Variants in MAP3K3 observed in about 807,000 individuals in gnomAD.
MAP3K3 encodes the protein MAP/ERK kinase kinase 3.
Under a neutral mutation model 80.9 loss-of-function variants are expected in MAP3K3, and 12 were observed. The observed-to-expected ratio is 0.15, with a 90% CI of 0.10 to 0.24. The LOEUF is 0.24. Among genes scored for constraint, MAP3K3 ranks in the 10% least tolerant of loss-of-function variants. The pLI is 1.00. For synonymous variants in MAP3K3, 272 were observed against 307.1 expected, an observed-to-expected ratio of 0.89 and a Z score of 1.19; for missense variants, 596 against 834.7, an observed-to-expected ratio of 0.71 and a Z score of 3.52.
chr17:63,636,863 C>G, intron 2 of MAP3K3: 1 of 379,590 alleles, frequency 2.6e-6, no homozygotes, highest in Non-Finnish European at 5.2e-6. Flanking sequence ...TCCTCCATCC[C>G]GCTGGACATC....
intron 1 of MAP3K3, among the ~76,000 whole-genome samples, chr17:63,624,594 A>G (rs1370185326): frequency 1.3e-5 from 2 of 152,246 alleles, no homozygotes; most frequent in Non-Finnish European, 2.9e-5. Context: ...CAAAGAAAAA[A>G]GGGCCAGGAC....
chr17:63,654,633 C>T (rs1232111886), intron 4 of MAP3K3, among the ~76,000 whole-genome samples: 2 of 152,126 alleles, frequency 1.3e-5, no homozygotes, highest in Admixed American at 6.5e-5. Context: ...AGGAACTGCC[C>T]AGATTTTCTA....
chr17:63,656,329 G>A (rs1028563978), intron 4 of MAP3K3, among the ~76,000 whole-genome samples: 1 of 151,956 alleles, frequency 6.6e-6, no homozygotes, highest in Non-Finnish European at 1.5e-5. Flanking sequence ...CTGACCAGGC[G>A]TGGTGGCTCA....
intron 3 of MAP3K3, among the ~76,000 whole-genome samples, chr17:63,650,675 AG>A (rs2034633537): frequency 6.8e-6 from 1 of 146,732 alleles, no homozygotes; most frequent in African/African-American, 2.6e-5. Context: ...AGAGAGAGAG[AG>A]AGAGAGAGAG....
At chr17:63,665,252 G>A (rs747812947) in intron 5 of MAP3K3, among the ~76,000 whole-genome samples, 6 of 151,714 alleles carry the variant, frequency 4.0e-5, no homozygotes, top group Admixed American at 6.6e-5. Context: ...TGCAAGCTCC[G>A]CCTCCCAGGT....
rs573245506 is a variant in MAP3K3 at position 63,678,593 on chromosome 17, T to C, written c.503-3173T>C. Among the ~76,000 whole-genome samples, 12 of 152,318 alleles carry C rather than the reference T, an allele frequency of 7.9e-5. 1 individual carries two copies. In the South Asian group the frequency reaches 2.1e-3, roughly 26 times the overall value. On this transcript the variant is annotated intron_variant, in intron 6 of 15. Coordinates refer to ENST00000361733, the MANE Select transcript of MAP3K3 (RefSeq NM_002401.5). ...TAGCTTTCCTGCCAGAGAGACATCC[T>C]TGGAGGGAGGCTGGGGTGATGTGTC...
intron 2 of MAP3K3, among the ~76,000 whole-genome samples, chr17:63,637,507 T>C (rs187680457): frequency 5.3e-5 from 8 of 152,350 alleles, no homozygotes; most frequent in African/African-American, 1.7e-4. Context: ...TGTAAGATCA[T>C]AGACAGAATG....
chr17:63,632,767 A>G lies in MAP3K3; in HGVS notation c.91A>G (p.Met31Val), dbSNP rs2034243743. ...RRHRMPGYET[M>V]KNKDTGHSNR... ...TCACCGGATGCCTGGATATGAGACC[A>G]TGAAGAACAAAGACACAGGTCACTC... The change falls in exon 2 of 16, where the codon ATG becomes GTG. Residue 31 changes from methionine to valine, a missense_variant. By Grantham distance (21) the Met-to-Val change is conservative (BLOSUM62 1). Around this residue, in one of 2 missense-constraint regions of MAP3K3, gnomAD observed 232 missense variants for 245.8 expected, o/e 0.94. Coordinates refer to ENST00000361733, the MANE Select transcript of MAP3K3 (RefSeq NM_002401.5). 1 of 1,614,060 alleles carries G rather than the reference A, an allele frequency of 6.2e-7. No homozygotes were observed. The highest frequency in any genetic ancestry group is 8.5e-7 in the Non-Finnish European group (1 of 1,180,022).
Position 63,649,956 on chromosome 17 carries a change from G to C in MAP3K3, c.168-2601G>C, listed in dbSNP as rs1425868326. On this transcript the variant is annotated intron_variant, in intron 3 of 15. Coordinates refer to ENST00000361733, the MANE Select transcript of MAP3K3 (RefSeq NM_002401.5). ...CTCTGGTTACACCACTTCCCACTCT[G>C]GGGGAGCAGGGAAGATGAGAAAGAA... Among the ~76,000 whole-genome samples, 11 of 152,168 alleles carry C rather than the reference G, an allele frequency of 7.2e-5. No individual in the cohort carries two copies. The East Asian group carries it at 2.1e-3, about 29-fold the overall frequency.
At chr17:63,682,318 C>G (rs2035355806) in intron 7 of MAP3K3, 1 of 153,732 alleles carries the variant, frequency 6.5e-6, no homozygotes, top group Admixed American at 6.5e-5. Flanking sequence ...TAAACCATAT[C>G]AAAATTACAC....
chr17:63,689,593 C>T lies in MAP3K3; in HGVS notation c.921C>T (p.Thr307=), dbSNP rs1035887541. The change falls in exon 11 of 16, where the codon ACC becomes ACT. Residue 307 remains threonine (T), a synonymous_variant. Coordinates refer to ENST00000361733, the MANE Select transcript of MAP3K3 (RefSeq NM_002401.5). This position sits in a 1 kb window ranked among gnomAD's most constrained non-coding sequence, Gnocchi z 4.3. ...GGCGTCATCAAGGCAACTTGTTCACCCTGGTGCCCTCCAGCCGCTCCCTGA... is the reference window on the plus strand; with the variant it reads ...GGCGTCATCAAGGCAACTTGTTCACTCTGGTGCCCTCCAGCCGCTCCCTGA... ...RIRRHQGNLF[T]LVPSSRSLST... 1.2e-6 allele frequency: 2 copies of T among 1,613,768 alleles called. No homozygotes were observed. Among genetic ancestry groups the T allele is most frequent in the African/African-American group, 2.7e-5 (2 of 74,942 alleles).
rs55818509 is a variant in MAP3K3, at chr17:63,658,734, CT to C, written c.381+844del. Among the ~76,000 whole-genome samples the C allele has an allele frequency of 8.0e-3, 1,100 of 138,110 alleles. 7 individuals carry two copies. The highest frequency in any genetic ancestry group is 0.01 in the Non-Finnish European group (663 of 63,946). The allele number at this position is 138,110 out of a possible 152,430, so 90.6% of individuals were successfully genotyped here. The stretch of plus-strand genomic sequence containing the variant: ...GCTGCTCATGCTGACCATTTCTTTT[CT>C]TTTTTTTTTTTTTTTTGAGACAGAG... On this transcript the variant is annotated intron_variant, in intron 5 of 15. Coordinates refer to ENST00000361733, the MANE Select transcript of MAP3K3 (RefSeq NM_002401.5).
At chr17:63,667,849 A>G (rs1393956709) in intron 6 of MAP3K3, among the ~76,000 whole-genome samples, 1 of 152,172 alleles carries the variant, frequency 6.6e-6, no homozygotes, top group Non-Finnish European at 1.5e-5. Context: ...ACCTGGAGAT[A>G]TGGAGGGCCA....
At chr17:63,662,168 G>A (rs1372432888) in intron 5 of MAP3K3, among the ~76,000 whole-genome samples, 1 of 151,502 alleles carries the variant, frequency 6.6e-6, no homozygotes, top group Non-Finnish European at 1.5e-5. Flanking sequence ...CACTTTGGGA[G>A]GCTGAGGCAG....
chr17:63,648,475 A>G (rs2034583343), intron 3 of MAP3K3, among the ~76,000 whole-genome samples: 1 of 152,218 alleles, frequency 6.6e-6, no homozygotes, highest in Admixed American at 6.5e-5. Context: ...ATCCATCTAG[A>G]TAGCACCTAA....
chr17:63,637,087 G>A (rs1283089992), intron 2 of MAP3K3: 1 of 419,270 alleles, frequency 2.4e-6, no homozygotes, highest in Non-Finnish European at 4.6e-6. Flanking sequence ...GTAGAGTGTC[G>A]ATGTTGCAGC....
intron 6 of MAP3K3, among the ~76,000 whole-genome samples, chr17:63,678,060 T>C (rs1246768851): frequency 2.0e-5 from 3 of 152,132 alleles, no homozygotes; most frequent in Non-Finnish European, 2.9e-5. Context: ...TGGAAATAAA[T>C]TATGGTCCCC....
Position 63,690,331 on chromosome 17 carries a change from T to C in MAP3K3, c.1131T>C (p.Tyr377=). 1 of 1,614,180 alleles carries C rather than the reference T, an allele frequency of 6.2e-7. No homozygotes were observed. Among genetic ancestry groups the C allele is most frequent in the Non-Finnish European group, 8.5e-7 (1 of 1,180,008 alleles). ...GCCAGGGTGCCTTCGGCAGGGTCTA[T>C]TTGTGCTATGACGTGGACACGGGAC... ...LLGQGAFGRV[Y]LCYDVDTGRE... The change falls in exon 12 of 16, where the codon TAT becomes TAC. Residue 377 remains tyrosine (Y), a synonymous_variant. Transcript: ENST00000361733.
intron 5 of MAP3K3, 148 bp from the exon 6 acceptor site, chr17:63,666,792 T>G (rs1341421262): frequency 7.8e-6 from 6 of 769,796 alleles, no homozygotes; most frequent in Admixed American, 3.0e-5. Flanking sequence ...AATAGAAGAG[T>G]GAGATTTGGG....
Sources: allele counts gnomAD v4.1 joint callset (sites outside exome capture counted in the v4.1 genomes callset), GRCh38; gene constraint gnomAD v4.1.1; regional missense constraint gnomAD v4.1.1; non-coding constraint Gnocchi (gnomAD v3.1); transcripts MANE v1.5; gene names NCBI Gene and HGNC (gene_info 2026-07-23, HGNC 2026-07-21).